Variants in ITPR3 observed in about 807,000 individuals in gnomAD.
ITPR3 encodes inositol 1,4,5-trisphosphate receptor type 3.
A neutral mutation model predicts 293.2 loss-of-function variants in ITPR3; 173 were observed. The observed-to-expected ratio is 0.59, with a 90% CI of 0.52 to 0.67. The LOEUF (loss-of-function observed/expected upper bound fraction) is 0.67. Ranked by LOEUF, ITPR3 falls within the 30% of genes least tolerant of loss-of-function variation. The probability of loss-of-function intolerance (pLI) is 0.00; values close to 1 mark genes in which losing one functional copy is unlikely to be tolerated. For missense variants in ITPR3, 2,796 were observed against 3,592.1 expected (o/e 0.78, Z 5.66); for synonymous variants, 1,295 against 1,444.4 (o/e 0.90, Z 2.35).
chr6:33,636,486 T>G (rs1312655470), intron 1 of ITPR3, among the ~76,000 whole-genome samples: 1 of 151,906 alleles, frequency 6.6e-6, no homozygotes, highest in Non-Finnish European at 1.5e-5. Context: ...CCTGACTGTG[T>G]ATTTTGAAGA....
chr6:33,694,277 AATCAT>A, intron 56 of ITPR3: 1 of 156,108 alleles, frequency 6.4e-6, no homozygotes, highest in South Asian at 2.0e-4. Flanking sequence ...GAAGGCAATG[AATCAT>A]AAAGAAGGAA....
rs752333937 is a variant in ITPR3, at chr6:33,674,202, C to G, written c.3059-6C>G. 15 of 1,614,042 alleles carry G rather than the reference C, an allele frequency of 9.3e-6. No individual in the cohort carries two copies. The highest frequency in any genetic ancestry group is 1.3e-5 in the Non-Finnish European group (15 of 1,179,958). ...AATCTGCTTCCATCTGCCCCTCTCC[C>G]CACAGCTGCCAACATGAACCTGGAT... On this transcript the variant is annotated splice_region_variant and splice_polypyrimidine_tract_variant and intron_variant, in intron 23 of 57. Coordinates refer to ENST00000605930, the MANE Select transcript of ITPR3 (RefSeq NM_002224.4).
intron 1 of ITPR3, among the ~76,000 whole-genome samples, chr6:33,627,822 T>C (rs7772766): frequency 0.86 from 130,900 of 152,226 alleles, 56,367 homozygotes; most frequent in East Asian, 0.96. Flanking sequence ...GGTTAGGTAC[T>C]AGGCACTTCC....
rs1006424278 is a variant in ITPR3, at chr6:33,669,281, G to T, written c.2189+125G>T. On this transcript the variant is annotated intron_variant, in intron 18 of 57. Coordinates refer to ENST00000605930, the MANE Select transcript of ITPR3 (RefSeq NM_002224.4). The stretch of plus-strand genomic sequence containing the variant: ...AGGTGGGGCTCCTGCCTCCTCAGAA[G>T]CGGAGTCCCTGCTGTCACTCCCCTG... 4 of 962,140 alleles carry T rather than the reference G, an allele frequency of 4.2e-6. No homozygotes were observed. In the African/African-American group the frequency reaches 6.5e-5, roughly 16 times the overall value. The allele number at this position is 962,140 out of a possible 1,614,324, so 59.6% of individuals were successfully genotyped here.
At chr6:33,622,157 TCTC>T (rs1285482883) in intron 1 of ITPR3, among the ~76,000 whole-genome samples, 38 of 152,114 alleles carry the variant, frequency 2.5e-4, no homozygotes, top group Non-Finnish European at 4.3e-4. Flanking sequence ...GGTCGCACCT[TCTC>T]CTCACAGCTC....
intron 1 of ITPR3, among the ~76,000 whole-genome samples, chr6:33,630,689 C>A (rs948668223): frequency 6.6e-6 from 1 of 152,208 alleles, no homozygotes; most frequent in Admixed American, 6.5e-5. Flanking sequence ...CTGGCCCCGA[C>A]CTTTATTTCT....
At chr6:33,649,801 T>C (rs1374129342) in intron 2 of ITPR3, among the ~76,000 whole-genome samples, 1 of 152,158 alleles carries the variant, frequency 6.6e-6, no homozygotes, top group Non-Finnish European at 1.5e-5. Context: ...CCTTTAAAAA[T>C]GCATATTCCT....
rs762976278 is a variant in ITPR3, at chr6:33,690,110, TCATGGA to T, written c.6951_6956del (p.Asp2317_Met2318del). The stretch of plus-strand genomic sequence containing the variant: ...TTCATCCGGGGCTATAAGGCCATGG[TCATGGA>T]CATGGAATTCCTCTACCACGTGGGC... On this transcript the variant is annotated inframe_deletion, in exon 51 of 58. Coordinates refer to ENST00000605930, the MANE Select transcript of ITPR3 (RefSeq NM_002224.4). 6.2e-7 allele frequency: 1 copy of T among 1,614,120 alleles called. No homozygotes were observed. Among genetic ancestry groups the T allele is most frequent in the East Asian group, 2.2e-5 (1 of 44,880 alleles).
Position 33,689,300 on chromosome 6 carries a change from G to A in ITPR3, c.6757G>A (p.Ala2253Thr), listed in dbSNP as rs1765326270. ...GATCCTCATCTGCTTCTCCATCGCG[G>A]CCCTGTTCACCAAGCGCTACAGCAT... is the stretch of plus-strand genomic sequence containing the variant. ...FWILICFSIAALFTKRYSIRP... is the reference protein window; with the variant it reads ...FWILICFSIATLFTKRYSIRP... Residue 2253 changes from alanine (A) to threonine (T), a missense_variant, in exon 50 of 58, where the codon GCC becomes ACC. This residue lies in a region of ITPR3 where 568 missense variants were observed against 796.1 expected (regional missense o/e 0.71). Transcript: ENST00000605930. 4 of 1,612,306 alleles carry A rather than the reference G, an allele frequency of 2.5e-6. No individual in the cohort carries two copies. In the African/African-American group the frequency reaches 4.0e-5, roughly 16 times the overall value.
rs769155997 is a variant in ITPR3 at position 33,665,207 on chromosome 6, A to C, written c.1403A>C (p.Asp468Ala). ...AACGAGGGCTTCATCAGCCAGAATG[A>C]CCGCAGGTGGGCTGCAGTGGCACAG... The part of the protein sequence containing the change: ...KLNEGFISQN[D>A]RRFVIQLLED... The change falls in exon 13 of 58, where the codon GAC (aspartate) becomes GCC (alanine). Residue 468 changes from aspartate to alanine, a missense_variant. By Grantham distance (126) the Asp-to-Ala change is moderately radical. Around this residue, in one of 8 missense-constraint regions of ITPR3, gnomAD observed 955 missense variants for 1,180.8 expected, o/e 0.81. Coordinates refer to ENST00000605930, the MANE Select transcript of ITPR3 (RefSeq NM_002224.4). The C allele has an allele frequency of 8.9e-5, 143 of 1,613,194 alleles. No individual in the cohort carries two copies. The highest frequency in any genetic ancestry group is 1.2e-4 in the Non-Finnish European group (141 of 1,179,394).
rs549569649 is a variant in ITPR3 at position 33,682,577 on chromosome 6, G to A, written c.4530G>A (p.Glu1510=). ...TGCAGTCTACCACACGCCTCCTCGA[G>A]TGTCCGTGGCTACAGCAGCAGCACA... The part of the protein sequence containing the change: ...QLLQSTTRLL[E]CPWLQQQHKG... The change falls in exon 34 of 58, where the codon GAG becomes GAA. Residue 1510 remains glutamate, a synonymous_variant. Coordinates refer to ENST00000605930, the MANE Select transcript of ITPR3 (RefSeq NM_002224.4). The surrounding 1 kb of genome is among the most constrained non-coding windows in gnomAD (Gnocchi z 5.4). 3 of 1,592,242 alleles carry A rather than the reference G, an allele frequency of 1.9e-6. No homozygotes were observed. In the African/African-American group the frequency reaches 4.1e-5, roughly 22 times the overall value.
At chr6:33,639,451 T>C (rs1056849530) in intron 1 of ITPR3, among the ~76,000 whole-genome samples, 6 of 151,858 alleles carry the variant, frequency 4.0e-5, no homozygotes. Flanking sequence ...GAGCACGGGC[T>C]TTGAAATCAG....
Position 33,688,644 on chromosome 6 carries a change from C to T in ITPR3, c.6569-12C>T, listed in dbSNP as rs1432976386. Reference sequence around the variant, plus strand: ...GGGCCCTCCAGCAGCTCACCGTTGCCCTCCTCTTCAGGCATGCCGCTGATC... The same window carrying T: ...GGGCCCTCCAGCAGCTCACCGTTGCTCTCCTCTTCAGGCATGCCGCTGATC... On this transcript the variant is annotated splice_polypyrimidine_tract_variant and intron_variant, in intron 48 of 57. Coordinates refer to ENST00000605930, the MANE Select transcript of ITPR3 (RefSeq NM_002224.4). The T allele has an allele frequency of 7.4e-6, 12 of 1,613,940 alleles. No individual in the cohort carries two copies. Among genetic ancestry groups the T allele is most frequent in the Non-Finnish European group, 1.0e-5 (12 of 1,179,918 alleles).
chr6:33,631,361 A>G (rs996497563), intron 1 of ITPR3, among the ~76,000 whole-genome samples: 8 of 152,224 alleles, frequency 5.3e-5, no homozygotes, highest in Non-Finnish European at 1.2e-4. Flanking sequence ...GGGCAGGGTA[A>G]GGAGGGTGAA....
chr6:33,621,674 C>G lies in ITPR3; in HGVS notation c.72C>G (p.Gly24=). 6.2e-7 allele frequency: 1 copy of G among 1,609,622 alleles called. No homozygotes were observed. Among genetic ancestry groups the G allele is most frequent in the Non-Finnish European group, 8.5e-7 (1 of 1,177,954 alleles). Residue 24 remains glycine, a synonymous_variant, in exon 1 of 58, where the codon GGC becomes GGG. Transcript: ENST00000605930. The surrounding 1 kb of genome is among the most constrained non-coding windows in gnomAD (Gnocchi z 7.7). ...TGTACGCCGAGGGCTCCGTCAATGG[C>G]TTCATCAGCACTTTGGGGTGAGTGA... is the stretch of plus-strand genomic sequence containing the variant. ...VSLYAEGSVN[G]FISTLGLVDD... is the part of the protein sequence containing the mutation.
intron 56 of ITPR3, 159 bp from the exon 57 acceptor site, chr6:33,694,765 G>A (rs777445839): frequency 7.9e-6 from 7 of 883,740 alleles, no homozygotes; most frequent in Admixed American, 2.5e-5. Flanking sequence ...CTCTGGCCCC[G>A]GGGAGGACCA....
rs780723712 is a variant in ITPR3, at chr6:33,690,047, T to C, written c.6881T>C (p.Ile2294Thr). ...ILGALNLTNK[I>T]VFVVSFVGNR... ...ACTCGCCCCCAGCTGACCAACAAGA[T>C]CGTGTTTGTGGTGAGCTTCGTGGGC... Residue 2294 changes from isoleucine to threonine, a missense_variant, in exon 51 of 58, where the codon ATC becomes ACC. This residue lies in a region of ITPR3 where 568 missense variants were observed against 796.1 expected (regional missense o/e 0.71). Transcript: ENST00000605930. 8.2e-5 allele frequency: 133 copies of C among 1,614,006 alleles called. No homozygotes were observed. The highest frequency in any genetic ancestry group is 1.1e-4 in the Non-Finnish European group (130 of 1,180,036).
intron 42 of ITPR3, 43 bp from the exon 43 acceptor site, chr6:33,686,366 C>T: frequency 1.3e-6 from 2 of 1,598,962 alleles, no homozygotes; most frequent in South Asian, 1.1e-5. Context: ...TGCCACTATT[C>T]TGAGAGGGCC....
chr6:33,621,769 C>A lies in ITPR3; in HGVS notation c.89+78C>A. 1.9e-6 allele frequency: 2 copies of A among 1,068,240 alleles called. No individual in the cohort carries two copies. The highest frequency in any genetic ancestry group is 2.8e-6 in the Non-Finnish European group (2 of 715,238). 66.2% of individuals were successfully genotyped at this position (1,068,240 alleles called of 1,614,324 possible). A position where few individuals can be genotyped will look rare whatever the true frequency, so the allele number is the denominator to read the frequency against. On this transcript the variant is annotated intron_variant, in intron 1 of 57. Transcript: ENST00000605930. The surrounding 1 kb of genome is among the most constrained non-coding windows in gnomAD (Gnocchi z 7.7). Reference sequence around the variant, plus strand: ...CCTGGTGCCAGCTGCGTGCGTCCAGCCGCCGCCCCCCGATAGAGGCCTGGA... The same window carrying A: ...CCTGGTGCCAGCTGCGTGCGTCCAGACGCCGCCCCCCGATAGAGGCCTGGA...
Sources: allele counts gnomAD v4.1 joint callset (sites outside exome capture counted in the v4.1 genomes callset), GRCh38; gene constraint gnomAD v4.1.1; regional missense constraint gnomAD v4.1.1; non-coding constraint Gnocchi (gnomAD v3.1); transcripts MANE v1.5; gene names NCBI Gene and HGNC (gene_info 2026-07-23, HGNC 2026-07-21).